The following CHD7 variants were observed in gnomAD, a reference collection of about 807,000 sequenced individuals.
The protein encoded by CHD7 is ATP-dependent chromatin remodeler CHD7.
In CHD7, 24 loss-of-function variants were observed where a neutral mutation model predicts 307.3. The observed-to-expected ratio is 0.08, with a 90% CI of 0.06 to 0.11. CHD7 has a LOEUF of 0.11. Among genes scored for constraint, CHD7 ranks in the 10% least tolerant of loss-of-function variants. The pLI is 1.00. For synonymous variants in CHD7, 1,363 were observed against 1,349.9 expected (o/e 1.01, Z -0.21); for missense variants, 3,106 against 3,727.1 (o/e 0.83, Z 4.34).
rs746823883 is a variant in CHD7 at position 60,844,868 on chromosome 8, G to A, written c.4855G>A (p.Gly1619Arg). ...TGCTGGATATTTGCTTTGCAGTTGG[G>A]GACGGTGGACAGACATTCTTTCCCA... ...VEKNLLVYGW[G>R]RWTDILSHGR... is the part of the protein sequence containing the mutation. The change falls in exon 22 of 38, where the codon GGA becomes AGA. Residue 1619 changes from glycine (G) to arginine (R), a missense_variant. Gly to Arg is a moderately radical substitution (Grantham distance 125). Coordinates refer to ENST00000423902, the MANE Select transcript of CHD7 (RefSeq NM_017780.4). The A allele has an allele frequency of 1.3e-6, 2 of 1,590,756 alleles. No individual in the cohort carries two copies. Among genetic ancestry groups the A allele is most frequent in the Non-Finnish European group, 1.7e-6 (2 of 1,165,700 alleles).
At chr8:60,696,613 G>A (rs1025745948) in intron 1 of CHD7, among the ~76,000 whole-genome samples, 1 of 151,694 alleles carries the variant, frequency 6.6e-6, no homozygotes, top group African/African-American at 2.4e-5. Flanking sequence ...TTGGATTGCA[G>A]GTAGTTTTTT....
chr8:60,846,110 G>T (rs1470996014), intron 23 of CHD7, among the ~76,000 whole-genome samples: 4 of 152,158 alleles, frequency 2.6e-5, no homozygotes, highest in Non-Finnish European at 5.9e-5. Context: ...GTCATCTGTT[G>T]ACGGACACTT....
chr8:60,838,023 A>G, intron 18 of CHD7, 53 bp from the exon 19 acceptor site: 4 of 1,374,132 alleles, frequency 2.9e-6, no homozygotes. Context: ...TTTAGTCTGC[A>G]AACCTCTTAA....
intron 3 of CHD7, among the ~76,000 whole-genome samples, chr8:60,784,501 G>GGT (rs1461287788): frequency 6.6e-6 from 1 of 152,164 alleles, no homozygotes; most frequent in African/African-American, 2.4e-5. Flanking sequence ...TCGGCCCGAG[G>GGT]GTGCTCTAGC....
intron 1 of CHD7, among the ~76,000 whole-genome samples, chr8:60,681,144 A>G (rs900041999): frequency 1.3e-5 from 2 of 152,222 alleles, no homozygotes; most frequent in African/African-American, 2.4e-5. Flanking sequence ...TGACGATGAC[A>G]AAAAATATCT....
At position 60,775,770 on chromosome 8, in the gene CHD7, AT is replaced by A. The variant is rs567104561; in HGVS notation, c.1666-5225del. Among the ~76,000 whole-genome samples the A allele has an allele frequency of 6.6e-3, 1,001 of 152,240 alleles. 13 individuals are homozygous for A. Among genetic ancestry groups the A allele is most frequent in the Non-Finnish European group, 0.011 (722 of 67,994 alleles). ...AATTTTGGTTAGCACAGAATTCTTT[AT>A]TTTTGAAACGGAGTCTTGCTCTGTT... On this transcript the variant is annotated intron_variant, in intron 2 of 37. Coordinates refer to ENST00000423902, the MANE Select transcript of CHD7 (RefSeq NM_017780.4).
At chr8:60,782,258 A>G (rs959046385) in intron 3 of CHD7, among the ~76,000 whole-genome samples, 3 of 152,196 alleles carry the variant, frequency 2.0e-5, no homozygotes, top group Non-Finnish European at 4.4e-5. Flanking sequence ...TGCAAACTCC[A>G]TTAGAAAACA....
At chr8:60,789,792 C>T (rs183141474) in intron 3 of CHD7, among the ~76,000 whole-genome samples, 18 of 152,338 alleles carry the variant, frequency 1.2e-4, no homozygotes, top group African/African-American at 4.1e-4. Flanking sequence ...ACTAGGCCGT[C>T]CTTACGAACT....
At chr8:60,738,035 A>T (rs1009489435) in intron 1 of CHD7, among the ~76,000 whole-genome samples, 6 of 152,252 alleles carry the variant, frequency 3.9e-5, no homozygotes, top group Admixed American at 2.0e-4. Context: ...ACATAAATGC[A>T]ACTTGAATGT....
Position 60,741,933 on chromosome 8 carries a change from G to A in CHD7, c.501G>A (p.Pro167=), listed in dbSNP as rs770348243. Residue 167 remains proline (P), a synonymous_variant, in exon 2 of 38, where the codon CCG becomes CCA. Transcript: ENST00000423902. ...RAPYQQQQPQ[P]QPPQPAPSGP... ...CCTACCAGCAGCAGCAGCCACAGCC[G>A]CAGCCACCGCAGCCGGCTCCGTCGG... The A allele has an allele frequency of 6.8e-6, 11 of 1,612,716 alleles. No homozygotes were observed. Among genetic ancestry groups the A allele is most frequent in the East Asian group, 4.5e-5 (2 of 44,870 alleles).
chr8:60,800,823 T>C (rs1047469491), intron 5 of CHD7, among the ~76,000 whole-genome samples: 2 of 152,218 alleles, frequency 1.3e-5, no homozygotes, highest in Admixed American at 6.5e-5. Context: ...AATATACCTC[T>C]GAGAATTCAG....
At chr8:60,703,229 C>A (rs543208114) in intron 1 of CHD7, among the ~76,000 whole-genome samples, 4 of 152,286 alleles carry the variant, frequency 2.6e-5, no homozygotes, top group African/African-American at 9.6e-5. Context: ...AATGCATATT[C>A]ATAATGTTAC....
At chr8:60,711,381 A>G (rs994883022) in intron 1 of CHD7, among the ~76,000 whole-genome samples, 1 of 152,218 alleles carries the variant, frequency 6.6e-6, no homozygotes, top group African/African-American at 2.4e-5. Flanking sequence ...GCCTCATCAG[A>G]TACAGCTTGG....
chr8:60,830,270 T>C, intron 14 of CHD7, 52 bp from the exon 15 acceptor site: 3 of 1,551,794 alleles, frequency 1.9e-6, no homozygotes, highest in Non-Finnish European at 2.6e-6. Context: ...AAAATATGTT[T>C]TAACTTGCAA....
chr8:60,770,409 A>G (rs915588044), intron 2 of CHD7, among the ~76,000 whole-genome samples: 2 of 152,182 alleles, frequency 1.3e-5, no homozygotes, highest in African/African-American at 4.8e-5. Context: ...TTATTGCGTT[A>G]TTAGTTAGTG....
chr8:60,679,308 C>G (rs1025284438), intron 1 of CHD7, among the ~76,000 whole-genome samples: 2 of 146,404 alleles, frequency 1.4e-5, no homozygotes, highest in Non-Finnish European at 3.0e-5. Flanking sequence ...GGGGCCCGAA[C>G]CCGCGCCCCG....
At chr8:60,718,312 A>G (rs1319119187) in intron 1 of CHD7, among the ~76,000 whole-genome samples, 6 of 152,142 alleles carry the variant, frequency 3.9e-5, no homozygotes, top group Non-Finnish European at 8.8e-5. Flanking sequence ...CCCCATCTCT[A>G]CTAAAAAATA....
chr8:60,782,384 TAC>T (rs1208635964), intron 3 of CHD7, among the ~76,000 whole-genome samples: 1 of 152,188 alleles, frequency 6.6e-6, no homozygotes, highest in Non-Finnish European at 1.5e-5. Context: ...CATGCCCAAG[TAC>T]ACAAACAGAG....
intron 8 of CHD7, among the ~76,000 whole-genome samples, chr8:60,817,228 A>C (rs1167558990): frequency 1.3e-5 from 2 of 152,222 alleles, no homozygotes; most frequent in African/African-American, 4.8e-5. Context: ...CTAACATTGA[A>C]AGATAAGACT....
Sources: allele counts gnomAD v4.1 joint callset (sites outside exome capture counted in the v4.1 genomes callset), GRCh38; gene constraint gnomAD v4.1.1; transcripts MANE v1.5; gene names NCBI Gene and HGNC (gene_info 2026-07-23, HGNC 2026-07-21).